Variants in SGCZ observed in about 807,000 individuals in gnomAD.
SGCZ encodes sarcoglycan zeta.
Under a neutral mutation model 41.3 loss-of-function variants are expected in SGCZ, and 40 were observed. The ratio of observed to expected loss-of-function variants is 0.97; its 90% CI spans 0.75 to 1.26. The LOEUF is 1.26. Among genes scored for constraint, SGCZ ranks in the 50% most tolerant of loss-of-function variants. The probability of loss-of-function intolerance (pLI) is 0.00; values close to 1 mark genes in which losing one functional copy is unlikely to be tolerated. For synonymous variants in SGCZ, 206 were observed against 137.5 expected (o/e 1.50, Z -3.49); for missense variants, 552 against 369.8 (o/e 1.49, Z -4.04).
chr8:14,472,295 A>G (rs142970942), intron 2 of SGCZ, among the ~76,000 whole-genome samples: 48 of 152,192 alleles, frequency 3.2e-4, no homozygotes, highest in African/African-American at 1.1e-3. Context: ...TTAAAGGCTT[A>G]TATTTTATTT....
chr8:14,272,559 G>C (rs1322173545), intron 3 of SGCZ, among the ~76,000 whole-genome samples: 1 of 152,170 alleles, frequency 6.6e-6, no homozygotes, highest in African/African-American at 2.4e-5. Flanking sequence ...GTCAGTGAAA[G>C]CACAAATTAA....
intron 1 of SGCZ, among the ~76,000 whole-genome samples, chr8:14,834,161 T>C (rs984614996): frequency 4.6e-5 from 7 of 152,176 alleles, no homozygotes; most frequent in African/African-American, 1.7e-4. Context: ...AATTGGTATT[T>C]TGTAATTGAT....
intron 1 of SGCZ, among the ~76,000 whole-genome samples, chr8:14,997,592 A>G (rs570443803): frequency 1.3e-5 from 2 of 152,212 alleles, no homozygotes. Context: ...GATATTAATC[A>G]AGAACATTAG....
At chr8:15,088,225 C>A (rs1417129483) in intron 1 of SGCZ, among the ~76,000 whole-genome samples, 1 of 152,102 alleles carries the variant, frequency 6.6e-6, no homozygotes, top group East Asian at 1.9e-4. Flanking sequence ...TAAGAATGTG[C>A]CTACATTTAC....
intron 2 of SGCZ, among the ~76,000 whole-genome samples, chr8:14,368,935 G>A (rs1280897277): frequency 6.6e-6 from 1 of 151,742 alleles, no homozygotes; most frequent in South Asian, 2.1e-4. Context: ...TTTTAACTAG[G>A]ACTGTGCTGT....
chr8:14,447,286 G>T (rs981571727), intron 2 of SGCZ, among the ~76,000 whole-genome samples: 1 of 152,156 alleles, frequency 6.6e-6, no homozygotes, highest in Non-Finnish European at 1.5e-5. Flanking sequence ...TAAAGTTGCT[G>T]GGATTTCCAT....
intron 2 of SGCZ, among the ~76,000 whole-genome samples, chr8:14,416,302 C>T (rs1799491151): frequency 6.6e-6 from 1 of 151,894 alleles, no homozygotes; most frequent in Admixed American, 6.6e-5. Context: ...GACCGAGCAG[C>T]TGTTGTCCTG....
chr8:14,540,220 A>ATTTTTTTTTTTTTTTTTTTTTTTTTTTTT (rs11428713), intron 2 of SGCZ, among the ~76,000 whole-genome samples: 3 of 48,718 alleles, frequency 6.2e-5, no homozygotes, highest in African/African-American at 2.4e-4. Flanking sequence ...TCTCTGCTTA[A>ATTTTTTTTTTTTTTTTTTTTTTTTTTTTT]TTTTTTTTTT....
intron 1 of SGCZ, among the ~76,000 whole-genome samples, chr8:14,635,223 T>C (rs1393031417): frequency 6.6e-6 from 1 of 151,922 alleles, no homozygotes; most frequent in Admixed American, 6.6e-5. Context: ...CTTTTTCTGC[T>C]TTAGAAAATA....
intron 4 of SGCZ, among the ~76,000 whole-genome samples, chr8:14,177,050 G>A (rs940035552): frequency 2.0e-5 from 3 of 152,134 alleles, no homozygotes; most frequent in Admixed American, 1.3e-4. Flanking sequence ...ATACAGACAA[G>A]GATCGTAGAG....
intron 2 of SGCZ, among the ~76,000 whole-genome samples, chr8:14,443,941 C>A (rs1445615618): frequency 6.6e-6 from 1 of 152,146 alleles, no homozygotes; most frequent in African/African-American, 2.4e-5. Flanking sequence ...CCAGAATCTA[C>A]AATGAACTCA....
intron 4 of SGCZ, among the ~76,000 whole-genome samples, chr8:14,228,280 T>G (rs958130944): frequency 6.6e-6 from 1 of 152,034 alleles, no homozygotes; most frequent in Non-Finnish European, 1.5e-5. Flanking sequence ...AAACAATACT[T>G]GGTTAAGTAT....
At chr8:14,720,899 C>T (rs1270592684) in intron 1 of SGCZ, among the ~76,000 whole-genome samples, 6 of 134,626 alleles carry the variant, frequency 4.5e-5, no homozygotes, top group African/African-American at 1.1e-4. Flanking sequence ...TTCCCCAATA[C>T]TTCATGGAAA....
intron 2 of SGCZ, among the ~76,000 whole-genome samples, chr8:14,402,208 G>C (rs1305865051): frequency 1.3e-5 from 2 of 151,740 alleles, no homozygotes; most frequent in Non-Finnish European, 2.9e-5. Context: ...AGATGAGTAG[G>C]TTGCGAAAAT....
At chr8:15,131,156 G>A (rs565631178) in intron 1 of SGCZ, among the ~76,000 whole-genome samples, 2 of 152,118 alleles carry the variant, frequency 1.3e-5, no homozygotes, top group East Asian at 1.9e-4. Flanking sequence ...CAGTGATATC[G>A]TTTGTCTGTG....
At chr8:14,112,591 C>T (rs1802408748) in intron 5 of SGCZ, among the ~76,000 whole-genome samples, 2 of 151,930 alleles carry the variant, frequency 1.3e-5, no homozygotes, top group South Asian at 2.1e-4. Flanking sequence ...GCTTCTGTTT[C>T]CCCCAAATCT....
At chr8:14,987,759 T>A (rs958281814) in intron 1 of SGCZ, among the ~76,000 whole-genome samples, 1 of 152,036 alleles carries the variant, frequency 6.6e-6, no homozygotes, top group Non-Finnish European at 1.5e-5. Context: ...AATTTGAAGT[T>A]GTATTGCTTC....
intron 1 of SGCZ, among the ~76,000 whole-genome samples, chr8:14,807,064 T>C (rs935334689): frequency 3.5e-4 from 53 of 152,242 alleles, no homozygotes; most frequent in African/African-American, 1.3e-3. Context: ...AAATTAGGTA[T>C]TGATGGGACA....
chr8:14,163,545 C>G (rs768154218), intron 5 of SGCZ, among the ~76,000 whole-genome samples: 1 of 152,156 alleles, frequency 6.6e-6, no homozygotes, highest in Non-Finnish European at 1.5e-5. Flanking sequence ...CCAACACAAC[C>G]TCTTCATTAT....
Sources: allele counts gnomAD v4.1 joint callset (sites outside exome capture counted in the v4.1 genomes callset), GRCh38; gene constraint gnomAD v4.1.1; transcripts MANE v1.5; gene names NCBI Gene and HGNC (gene_info 2026-07-23, HGNC 2026-07-21).